PRKG1: variants seen among roughly 807,000 people sequenced by gnomAD.
PRKG1 encodes the protein protein kinase cGMP-dependent 1.
A neutral mutation model predicts 88.1 loss-of-function variants in PRKG1; 35 were observed. The observed-to-expected ratio is 0.40, with a 90% CI of 0.30 to 0.53. PRKG1 has a LOEUF of 0.53. Ranked by LOEUF, PRKG1 falls within the 20% of genes least tolerant of loss-of-function variation. The pLI is 0.59. For missense variants in PRKG1, 540 were observed against 839.8 expected, an observed-to-expected ratio of 0.64 and a Z score of 4.41; for synonymous variants, 303 against 292.5, an observed-to-expected ratio of 1.04 and a Z score of -0.37.
intron 3 of PRKG1, among the ~76,000 whole-genome samples, chr10:51,515,356 A>G (rs576380060): frequency 1.4e-4 from 22 of 152,338 alleles, no homozygotes; most frequent in Middle Eastern, 3.4e-3. Flanking sequence ...ATAAAGAATG[A>G]GAATGATCAG....
intron 2 of PRKG1, among the ~76,000 whole-genome samples, chr10:51,409,850 C>CAAAAAAAAAA: frequency 1.3e-5 from 1 of 79,498 alleles, no homozygotes; most frequent in Non-Finnish European, 2.3e-5. Flanking sequence ...GAGACTCTGT[C>CAAAAAAAAAA]AAAAAAAAAA....
intron 9 of PRKG1, among the ~76,000 whole-genome samples, chr10:52,207,512 C>A (rs982155993): frequency 2.0e-5 from 3 of 152,178 alleles, no homozygotes; most frequent in Non-Finnish European, 4.4e-5. Flanking sequence ...AAGGCTAATG[C>A]CACCTAGAAG....
intron 9 of PRKG1, among the ~76,000 whole-genome samples, chr10:52,234,558 G>A (rs1035269470): frequency 6.8e-6 from 1 of 148,040 alleles, no homozygotes; most frequent in African/African-American, 2.6e-5. Context: ...TGGAAGAAAG[G>A]GTATCAGCAA....
At chr10:51,616,816 T>G (rs1475767153) in intron 3 of PRKG1, among the ~76,000 whole-genome samples, 1 of 152,108 alleles carries the variant, frequency 6.6e-6, no homozygotes, top group African/African-American at 2.4e-5. Flanking sequence ...GGAAGTATTG[T>G]AAGTTGGTGG....
chr10:51,461,203 C>A (rs958011928), intron 2 of PRKG1, among the ~76,000 whole-genome samples: 4 of 152,078 alleles, frequency 2.6e-5, no homozygotes, highest in African/African-American at 9.7e-5. Flanking sequence ...TAAGGAGAAG[C>A]AAAGATCTTC....
At chr10:52,273,873 C>T (rs1236397521) in intron 12 of PRKG1, among the ~76,000 whole-genome samples, 2 of 152,012 alleles carry the variant, frequency 1.3e-5, no homozygotes, top group African/African-American at 4.8e-5. Flanking sequence ...ATAAACAAAA[C>T]AGATGGGGTC....
At chr10:51,036,007 A>G (rs977266152) in intron 1 of PRKG1, among the ~76,000 whole-genome samples, 5 of 152,204 alleles carry the variant, frequency 3.3e-5, no homozygotes, top group Non-Finnish European at 7.3e-5. Context: ...AACATATGAT[A>G]CAAGTTATCC....
chr10:51,643,086 T>TA (rs1329445222), intron 3 of PRKG1, among the ~76,000 whole-genome samples: 5 of 151,728 alleles, frequency 3.3e-5, no homozygotes, highest in African/African-American at 1.2e-4. Flanking sequence ...GTGATTTTTT[T>TA]TAAAAAATAT....
intron 4 of PRKG1, among the ~76,000 whole-genome samples, chr10:51,839,678 A>G (rs1840220491): frequency 6.6e-6 from 1 of 152,158 alleles, no homozygotes; most frequent in Admixed American, 6.6e-5. Flanking sequence ...TGGTTTACTA[A>G]CCAATATTCT....
intron 4 of PRKG1, among the ~76,000 whole-genome samples, chr10:51,871,621 A>T (rs866627524): frequency 2.0e-5 from 3 of 152,186 alleles, no homozygotes; most frequent in African/African-American, 7.2e-5. Flanking sequence ...ATTTCATTTC[A>T]TACAAATACA....
At chr10:52,054,289 G>A (rs1302574471) in intron 5 of PRKG1, among the ~76,000 whole-genome samples, 195 bp from the exon 6 acceptor site, 1 of 152,036 alleles carries the variant, frequency 6.6e-6, no homozygotes, top group African/African-American at 2.4e-5. Flanking sequence ...AAAAGAAAAT[G>A]AGCATTATAG....
At chr10:51,782,190 G>T (rs958470823) in intron 3 of PRKG1, among the ~76,000 whole-genome samples, 1 of 152,168 alleles carries the variant, frequency 6.6e-6, no homozygotes, top group East Asian at 1.9e-4. Flanking sequence ...AATACAGATG[G>T]TCCTCAACTT....
intron 1 of PRKG1, among the ~76,000 whole-genome samples, chr10:50,997,398 G>T (rs1277778637): frequency 6.6e-6 from 1 of 152,052 alleles, no homozygotes; most frequent in African/African-American, 2.4e-5. Context: ...GTATTCACTG[G>T]AAATTTGACC....
intron 17 of PRKG1, among the ~76,000 whole-genome samples, chr10:52,292,879 C>G (rs1348483639): frequency 6.6e-6 from 1 of 152,008 alleles, no homozygotes; most frequent in African/African-American, 2.4e-5. Flanking sequence ...CTCACCACTC[C>G]TATTCAACAT....
chr10:51,002,038 A>G (rs900037705), intron 1 of PRKG1, among the ~76,000 whole-genome samples: 1 of 29,668 alleles, frequency 3.4e-5, no homozygotes, highest in African/African-American at 2.6e-4. Context: ...CTTAAGGAAT[A>G]GAGAAACAAA....
At chr10:52,144,291 G>C (rs1837667435) in intron 8 of PRKG1, among the ~76,000 whole-genome samples, 1 of 152,096 alleles carries the variant, frequency 6.6e-6, no homozygotes, top group South Asian at 2.1e-4. Flanking sequence ...AGAAGAGATG[G>C]GGATAGATAG....
At chr10:51,230,052 C>A (rs1838801897) in intron 2 of PRKG1, among the ~76,000 whole-genome samples, 1 of 151,158 alleles carries the variant, frequency 6.6e-6, no homozygotes, top group South Asian at 2.1e-4. Flanking sequence ...TATTTTTCAA[C>A]ACGTACAAGG....
At chr10:51,165,877 C>T (rs1464885494) in intron 2 of PRKG1, among the ~76,000 whole-genome samples, 1 of 151,970 alleles carries the variant, frequency 6.6e-6, no homozygotes. Context: ...TCTTTTATTC[C>T]CCATTGGAAA....
At chr10:51,214,457 TG>T (rs2132079003) in intron 2 of PRKG1, among the ~76,000 whole-genome samples, 1 of 152,274 alleles carries the variant, frequency 6.6e-6, no homozygotes, top group South Asian at 2.1e-4. Flanking sequence ...TCAGTCAGGA[TG>T]GACCAAGTGT....
Sources: gnomAD v4.1 joint callset for allele counts (sites outside exome capture counted in the v4.1 genomes callset) on GRCh38, gnomAD v4.1.1 for gene constraint, MANE v1.5 for transcripts, NCBI Gene and HGNC (gene_info 2026-07-23, HGNC 2026-07-21) for gene names.